Variants in TEX11 observed in about 807,000 individuals in gnomAD.
The protein encoded by TEX11 is testis-expressed protein 11.
A neutral mutation model predicts 84.4 loss-of-function variants in TEX11; 7 were observed. That is an observed-to-expected ratio of 0.08 (90% CI 0.05 to 0.16). The LOEUF (loss-of-function observed/expected upper bound fraction) is 0.16, where lower values mean the gene tolerates loss of function less well. Among genes scored for constraint, TEX11 ranks in the 10% least tolerant of loss-of-function variants. The probability of loss-of-function intolerance (pLI) is 1.00; values close to 1 mark genes in which losing one functional copy is unlikely to be tolerated. For synonymous variants in TEX11, 264 were observed against 222.8 expected (o/e 1.18, Z -1.64); for missense variants, 551 against 660.5 (o/e 0.83, Z 1.82).
At chrX:70,742,197 G>T (rs1441171333) in intron 10 of TEX11, among the ~76,000 whole-genome samples, 1 of 110,079 alleles carries the variant, frequency 9.1e-6, no homozygotes, top group Admixed American at 9.8e-5. Context: ...ACTGTTCTTG[G>T]CATTTACATT....
chrX:70,625,646 C>T (rs773863519), intron 18 of TEX11, among the ~76,000 whole-genome samples: 4 of 111,387 alleles, frequency 3.6e-5, no homozygotes, highest in Admixed American at 1.9e-4. Flanking sequence ...CACCCACTAC[C>T]CTTCATTGTT....
chrX:70,785,107 T>C (rs2091069362), intron 9 of TEX11, among the ~76,000 whole-genome samples: 1 of 111,868 alleles, frequency 8.9e-6, no homozygotes, highest in African/African-American at 3.3e-5. Context: ...CAAAACAGCA[T>C]GACACTGGTA....
At chrX:70,774,879 A>C (rs759002924) in intron 9 of TEX11, among the ~76,000 whole-genome samples, 1 of 111,455 alleles carries the variant, frequency 9.0e-6, no homozygotes, top group African/African-American at 3.3e-5. Flanking sequence ...GAATAGCCAA[A>C]GCAATCCTGA....
chrX:70,810,412 G>A (rs935833352), intron 8 of TEX11, among the ~76,000 whole-genome samples: 2 of 112,154 alleles, frequency 1.8e-5, no homozygotes, highest in Admixed American at 9.5e-5. Flanking sequence ...ATCAATGATA[G>A]ACTGGATAAA....
intron 12 of TEX11, among the ~76,000 whole-genome samples, chrX:70,723,418 T>C (rs1163058316): frequency 9.0e-6 from 1 of 111,346 alleles, no homozygotes; most frequent in Non-Finnish European, 1.9e-5. Context: ...ATATGAAAAA[T>C]GTATAAGATT....
At chrX:70,718,550 A>G (rs1290308665) in intron 13 of TEX11, among the ~76,000 whole-genome samples, 1 of 112,352 alleles carries the variant, frequency 8.9e-6, no homozygotes, top group African/African-American at 3.2e-5. Context: ...TATTCACCAA[A>G]AAGGTCAGTC....
chrX:70,769,688 C>T (rs1378906821), intron 9 of TEX11, among the ~76,000 whole-genome samples: 1 of 111,696 alleles, frequency 9.0e-6, no homozygotes, highest in East Asian at 2.8e-4. Flanking sequence ...GGTCCTGAGG[C>T]TCTTCTGGTA....
At chrX:70,730,827 C>CA (rs1036324381) in intron 11 of TEX11, among the ~76,000 whole-genome samples, 2 of 111,825 alleles carry the variant, frequency 1.8e-5, no homozygotes, top group Non-Finnish European at 3.8e-5. Context: ...CAGAACTCTC[C>CA]AACCCAAATC....
chrX:70,566,888 G>A (rs1410019557), intron 25 of TEX11, among the ~76,000 whole-genome samples: 3 of 111,557 alleles, frequency 2.7e-5, no homozygotes, highest in East Asian at 2.8e-4. Context: ...GTCTCTGCCC[G>A]GCTTTGGTAT....
intron 4 of TEX11, among the ~76,000 whole-genome samples, chrX:70,862,484 T>C (rs1322520229): frequency 9.0e-6 from 1 of 111,712 alleles, no homozygotes; most frequent in African/African-American, 3.3e-5. Flanking sequence ...TTATTGCCCA[T>C]CATAAAGTGT....
rs777728389 is a variant in TEX11, at chrX:70,530,001, T to TGA, written c.2521-3_2521-2insTC. 24 of 1,203,383 alleles carry TGA rather than the reference T, an allele frequency of 2.0e-5. No homozygotes were observed. Among genetic ancestry groups the TGA allele is most frequent in the Non-Finnish European group, 2.6e-5 (23 of 891,140 alleles). Reference sequence around the variant, plus strand: ...AATCTCCATTTCTGGGTAGTCTTTCTATAATCCAAGAACAGAAATTTTGCA... The same window carrying TGA: ...AATCTCCATTTCTGGGTAGTCTTTCTGAATAATCCAAGAACAGAAATTTTGCA... On this transcript the variant is annotated splice_region_variant and splice_polypyrimidine_tract_variant and intron_variant, in intron 28 of 29. Transcript: ENST00000374333.
At chrX:70,679,705 G>A (rs1284718484) in intron 14 of TEX11, among the ~76,000 whole-genome samples, 3 of 109,431 alleles carry the variant, frequency 2.7e-5, no homozygotes, top group East Asian at 3.0e-4. Flanking sequence ...GTCTCTGCCC[G>A]GCAGCCACCT....
In TEX11 at chrX:70,629,697, C is replaced by G. The variant is rs1335352653; in HGVS notation, c.1522G>C (p.Asp508His). The stretch of plus-strand genomic sequence containing the variant: ...AGATCATTATCTTCTGACTCTTCAT[C>G]TGTTAATATATTCTCTAAAGTAATT... ...AIITLENILT[D>H]EESEDNDLVA... is the part of the protein sequence containing the mutation. Residue 508 changes from aspartate to histidine, a missense_variant, in exon 18 of 30, where the codon GAT (aspartate) becomes CAT (histidine). Transcript: ENST00000374333. 1 of 1,188,762 alleles carries G rather than the reference C, an allele frequency of 8.4e-7. No individual in the cohort carries two copies. Among genetic ancestry groups the G allele is most frequent in the Admixed American group, 2.2e-5 (1 of 45,036 alleles).
At chrX:70,895,959 T>C (rs141906179) in intron 2 of TEX11, among the ~76,000 whole-genome samples, 49 of 112,332 alleles carry the variant, frequency 4.4e-4, no homozygotes, top group Non-Finnish European at 7.7e-4. Context: ...GACATGGGCA[T>C]GGGCAAAGAC....
chrX:70,663,605 C>A (rs1057422087), intron 16 of TEX11, among the ~76,000 whole-genome samples: 2 of 111,374 alleles, frequency 1.8e-5, no homozygotes, highest in Non-Finnish European at 3.8e-5. Flanking sequence ...TGGTGCCCCT[C>A]AATCCAATAC....
chrX:70,587,283 C>T (rs1364312703), intron 25 of TEX11, among the ~76,000 whole-genome samples: 1 of 112,250 alleles, frequency 8.9e-6, no homozygotes, highest in Non-Finnish European at 1.9e-5. Context: ...GTCTCCAGGG[C>T]ACGTCAGAGA....
intron 25 of TEX11, among the ~76,000 whole-genome samples, chrX:70,582,264 A>T (rs926514941): frequency 2.0e-4 from 22 of 111,753 alleles, no homozygotes; most frequent in African/African-American, 6.5e-4. Flanking sequence ...CCCCTGAAAA[A>T]CTACACATCT....
chrX:70,572,609 C>G (rs1236364349), intron 25 of TEX11, among the ~76,000 whole-genome samples: 1 of 110,213 alleles, frequency 9.1e-6, no homozygotes, highest in African/African-American at 3.3e-5. Flanking sequence ...GCCAAATGTC[C>G]AACAATGATA....
At chrX:70,630,857 A>G (rs2089503489) in intron 17 of TEX11, among the ~76,000 whole-genome samples, 1 of 112,285 alleles carries the variant, frequency 8.9e-6, no homozygotes, top group Non-Finnish European at 1.9e-5. Context: ...TAATCAAAAG[A>G]AAGCTGGAGT....
Sources: allele counts gnomAD v4.1 joint callset (sites outside exome capture counted in the v4.1 genomes callset), GRCh38; gene constraint gnomAD v4.1.1; transcripts MANE v1.5; gene names NCBI Gene and HGNC (gene_info 2026-07-23, HGNC 2026-07-21).